The following ROCK2 variants were observed in gnomAD, a reference collection of about 807,000 sequenced individuals.
ROCK2 encodes the protein Rho associated coiled-coil containing protein kinase 2.
A neutral mutation model predicts 195.1 loss-of-function variants in ROCK2; 61 were observed. The ratio of observed to expected loss-of-function variants is 0.31; its 90% confidence interval spans 0.25 to 0.39. The LOEUF (loss-of-function observed/expected upper bound fraction) is 0.39, where lower values mean the gene tolerates loss of function less well. ROCK2 is among the 10% of genes least tolerant of loss of function. The pLI, the probability that ROCK2 is intolerant of heterozygous loss-of-function variation, is 1.00. For missense variants in ROCK2, 1,109 were observed against 1,637.4 expected (o/e 0.68, Z 5.57); for synonymous variants, 504 against 545.5 (o/e 0.92, Z 1.06).
intron 1 of ROCK2, among the ~76,000 whole-genome samples, chr2:11,294,900 G>A (rs1667464596): frequency 6.6e-6 from 1 of 151,846 alleles, no homozygotes; most frequent in Non-Finnish European, 1.5e-5. Flanking sequence ...TGATTCTTGT[G>A]TCTCAGCCTC....
intron 1 of ROCK2, among the ~76,000 whole-genome samples, chr2:11,291,681 T>C (rs1667367888): frequency 6.6e-6 from 1 of 152,232 alleles, no homozygotes; most frequent in South Asian, 2.1e-4. Flanking sequence ...GATACCCTCT[T>C]AGGAATTTCA....
At chr2:11,323,676 TAA>T (rs1411306758) in intron 1 of ROCK2, among the ~76,000 whole-genome samples, 2 of 152,170 alleles carry the variant, frequency 1.3e-5, no homozygotes, top group South Asian at 4.1e-4. Flanking sequence ...ACATGTTTTT[TAA>T]AAGACTTTAT....
rs193289722 is a variant in ROCK2 at position 11,222,246 on chromosome 2, T to G, written c.1008-72A>C. The G allele has an allele frequency of 3.4e-5, 28 of 813,302 alleles. No homozygotes were observed. In the East Asian group the frequency reaches 7.0e-4, roughly 20 times the overall value. The allele number at this position is 813,302 out of a possible 1,614,324, so 50.4% of individuals were successfully genotyped here. A position where few individuals can be genotyped will look rare whatever the true frequency, so the allele number is the denominator to read the frequency against. On this transcript the variant is annotated intron_variant, in intron 7 of 32. Transcript: ENST00000315872. ...AAAAGATTAACTCTATGTCAACAGT[T>G]TAACCAAAATAAAGATCTCAAGTAA...
intron 1 of ROCK2, among the ~76,000 whole-genome samples, chr2:11,328,005 T>C (rs1242737651): frequency 2.6e-5 from 4 of 152,278 alleles, no homozygotes; most frequent in South Asian, 4.1e-4. Flanking sequence ...GCAAAGAGTA[T>C]AGAGAACATG....
At position 11,197,704 on chromosome 2, in the gene ROCK2, G is replaced by A. The variant is rs1289562093; in HGVS notation, c.3101C>T (p.Ala1034Val). Residue 1034 changes from alanine to valine, a missense_variant and splice_region_variant, in exon 26 of 33, where the codon GCT becomes GTT. Physicochemically the swap from Ala to Val is moderately conservative, Grantham distance 64. Coordinates refer to ENST00000315872, the MANE Select transcript of ROCK2 (RefSeq NM_004850.5). This position sits in a 1 kb window ranked among gnomAD's most constrained non-coding sequence, Gnocchi z 4.9. The stretch of plus-strand genomic sequence containing the variant: ...CATGATCTCAGCCAACTTATTCACA[G>A]CCTTAAAAAATGTAAAAATAAATAT... ...LLTERTLKTQ[A>V]VNKLAEIMNR... The A allele has an allele frequency of 6.5e-7, 1 of 1,535,040 alleles. No homozygotes were observed. Among genetic ancestry groups the A allele is most frequent in the Non-Finnish European group, 8.7e-7 (1 of 1,146,820 alleles).
rs372796373 is a variant in ROCK2, at chr2:11,255,813, G to A, written c.325-6015C>T. 6.0e-5 allele frequency among the ~76,000 whole-genome samples: 9 copies of A among 149,666 alleles called. No homozygotes were observed. In the South Asian group the frequency reaches 8.4e-4, roughly 14 times the overall value. ...CATGTGCCTGTAATCTCAGCTACTC[G>A]GGAGGCTGAGGCAGGGGAATTGCTT... On this transcript the variant is annotated intron_variant, in intron 3 of 32. Coordinates refer to ENST00000315872, the MANE Select transcript of ROCK2 (RefSeq NM_004850.5).
intron 1 of ROCK2, 122 bp downstream of exon 1, chr2:11,343,874 A>C: frequency 1.6e-6 from 2 of 1,267,666 alleles, no homozygotes; most frequent in South Asian, 3.3e-5. Context: ...GGCTGCCGGA[A>C]GCAGGGCGGG....
intron 20 of ROCK2, among the ~76,000 whole-genome samples, chr2:11,207,037 C>A (rs1181798099): frequency 6.6e-6 from 1 of 152,134 alleles, no homozygotes; most frequent in Non-Finnish European, 1.5e-5. Flanking sequence ...AAGTAATTCT[C>A]CTACTAATAG....
intron 1 of ROCK2, among the ~76,000 whole-genome samples, chr2:11,329,015 T>A (rs1488920736): frequency 1.3e-5 from 2 of 151,638 alleles, no homozygotes; most frequent in Non-Finnish European, 2.9e-5. Flanking sequence ...CATGTATACA[T>A]ATGTAACTAA....
Position 11,334,545 on chromosome 2 carries a change from T to C in ROCK2, c.141+9451A>G, listed in dbSNP as rs144802140. 7.0e-3 allele frequency among the ~76,000 whole-genome samples: 1,054 copies of C among 149,956 alleles called. 14 individuals are homozygous for C. The highest frequency in any genetic ancestry group is 0.024 in the African/African-American group (1,002 of 41,066). Reference sequence around the variant, plus strand: ...AAAAAAAAAAAAAATTGTTAGTTCATTCAACAAATATTTACAGAATAGGAA... The same window carrying C: ...AAAAAAAAAAAAAATTGTTAGTTCACTCAACAAATATTTACAGAATAGGAA... On this transcript the variant is annotated intron_variant, in intron 1 of 32. Coordinates refer to ENST00000315872, the MANE Select transcript of ROCK2 (RefSeq NM_004850.5).
chr2:11,226,268 T>C (rs1298640347), intron 6 of ROCK2, among the ~76,000 whole-genome samples: 2 of 152,098 alleles, frequency 1.3e-5, no homozygotes, highest in Non-Finnish European at 2.9e-5. Flanking sequence ...TGGGAAACAT[T>C]AGGAATGAAA....
intron 3 of ROCK2, among the ~76,000 whole-genome samples, chr2:11,264,967 T>C (rs1024432296): frequency 6.6e-6 from 1 of 152,210 alleles, no homozygotes; most frequent in African/African-American, 2.4e-5. Context: ...CACTCTGGAA[T>C]CCTCTGCCTA....
In ROCK2 at chr2:11,198,757, C is replaced by A. The variant is rs1470546786; in HGVS notation, c.2928G>T (p.Arg976Ser). Residue 976 changes from arginine to serine, a missense_variant, in exon 24 of 33, where the codon AGG becomes AGT. Coordinates refer to ENST00000315872, the MANE Select transcript of ROCK2 (RefSeq NM_004850.5). Reference protein sequence around the residue: ...ATIASLEETNRTLTSDVANLA... With the variant: ...ATIASLEETNSTLTSDVANLA... Reference sequence around the variant, plus strand: ...GATTGGCAACATCACTAGTTAGTGTCCTATTAGTTTCCTCAAGCTAAGAAA... The same window carrying A: ...GATTGGCAACATCACTAGTTAGTGTACTATTAGTTTCCTCAAGCTAAGAAA... The A allele has an allele frequency of 6.3e-7, 1 of 1,595,496 alleles. No individual in the cohort carries two copies. Among genetic ancestry groups the A allele is most frequent in the Non-Finnish European group, 8.5e-7 (1 of 1,171,752 alleles).
At chr2:11,343,925 G>C (rs915442670) in intron 1 of ROCK2, 71 bp downstream of exon 1, 3 of 1,514,042 alleles carry the variant, frequency 2.0e-6, no homozygotes, top group South Asian at 1.3e-5. Flanking sequence ...GGACGGGCAC[G>C]GAGGGCTGGG....
intron 1 of ROCK2, among the ~76,000 whole-genome samples, chr2:11,306,470 T>C (rs184000065): frequency 1.0e-3 from 156 of 152,360 alleles, no homozygotes; most frequent in African/African-American, 3.5e-3. Context: ...ATCTAGCTCC[T>C]TATTAAAATG....
At chr2:11,247,359 T>G (rs1424699190) in intron 4 of ROCK2, among the ~76,000 whole-genome samples, 1 of 152,184 alleles carries the variant, frequency 6.6e-6, no homozygotes, top group Non-Finnish European at 1.5e-5. Flanking sequence ...AGTCAGTCAC[T>G]TTGACAAGTT....
At chr2:11,196,844 G>T (rs1663655791) in intron 27 of ROCK2, among the ~76,000 whole-genome samples, 1 of 152,294 alleles carries the variant, frequency 6.6e-6, no homozygotes, top group Middle Eastern at 3.4e-3. Context: ...ATTCCATAGT[G>T]TGTGACTGAG....
At chr2:11,306,264 T>C (rs1572387638) in intron 1 of ROCK2, among the ~76,000 whole-genome samples, 1 of 152,214 alleles carries the variant, frequency 6.6e-6, no homozygotes, top group African/African-American at 2.4e-5. Context: ...ACTATTTCCT[T>C]CTGTCAGAAA....
chr2:11,250,524 C>G (rs78967268), intron 3 of ROCK2, among the ~76,000 whole-genome samples: 11,275 of 152,180 alleles, frequency 0.074, 602 homozygotes, highest in African/African-American at 0.15. Flanking sequence ...TAAGTAACAA[C>G]TGCTAACACG....
Sources: allele counts gnomAD v4.1 joint callset (sites outside exome capture counted in the v4.1 genomes callset), GRCh38; gene constraint gnomAD v4.1.1; non-coding constraint Gnocchi (gnomAD v3.1); transcripts MANE v1.5; gene names NCBI Gene and HGNC (gene_info 2026-07-23, HGNC 2026-07-21).